The following MYO9A variants were observed in gnomAD, a reference collection of about 807,000 sequenced individuals.
MYO9A encodes the protein myosin IXA, also known as unconventional myosin-IXa.
MYO9A carries 103 observed loss-of-function variants against 293.3 expected under a neutral mutation model. The observed-to-expected ratio is 0.35, with a 90% confidence interval of 0.30 to 0.41. MYO9A has a LOEUF of 0.41. MYO9A is among the 10% of genes least tolerant of loss of function. MYO9A has a pLI of 1.00. For synonymous variants in MYO9A, 1,001 were observed against 1,035.7 expected, an observed-to-expected ratio of 0.97 and a Z score of 0.64; for missense variants, 2,685 against 3,033.0, an observed-to-expected ratio of 0.89 and a Z score of 2.69.
chr15:71,925,307 G>A (rs900376652), intron 18 of MYO9A, among the ~76,000 whole-genome samples: 6 of 148,020 alleles, frequency 4.1e-5, no homozygotes, highest in Non-Finnish European at 6.0e-5. Flanking sequence ...ACATATATAC[G>A]TATATACGTA....
intron 11 of MYO9A, among the ~76,000 whole-genome samples, chr15:71,990,480 G>C (rs1325720671): frequency 2.0e-5 from 3 of 152,114 alleles, no homozygotes; most frequent in African/African-American, 7.2e-5. Flanking sequence ...TTTAGGCTGG[G>C]CGCAGTGGCT....
chr15:71,955,174 C>G lies in MYO9A; in HGVS notation c.2183-3278G>C, dbSNP rs1218253163. Reference sequence around the variant, plus strand: ...TGGAGTTTCGCTCTTGTTGCCCAGGCTGGAGTGCAATGGTTCAATCTCAGC... The same window carrying G: ...TGGAGTTTCGCTCTTGTTGCCCAGGGTGGAGTGCAATGGTTCAATCTCAGC... On this transcript the variant is annotated intron_variant, in intron 14 of 41. Coordinates refer to ENST00000356056, the MANE Select transcript of MYO9A (RefSeq NM_006901.4). 2.0e-5 allele frequency among the ~76,000 whole-genome samples: 3 copies of G among 150,380 alleles called. No homozygotes were observed. The East Asian group carries it at 5.8e-4, about 29-fold the overall frequency.
chr15:72,034,766 G>A (rs1007458736), intron 2 of MYO9A, among the ~76,000 whole-genome samples: 5 of 152,102 alleles, frequency 3.3e-5, no homozygotes, highest in African/African-American at 9.7e-5. Flanking sequence ...ATAAAACCGT[G>A]GGCTTGGAGA....
At chr15:71,933,623 A>T in intron 18 of MYO9A, 47 bp downstream of exon 18, 1 of 1,514,088 alleles carries the variant, frequency 6.6e-7, no homozygotes. Context: ...ATAAAAAATA[A>T]TTGTGTAGCA....
intron 10 of MYO9A, among the ~76,000 whole-genome samples, chr15:71,992,044 C>T (rs554808120): frequency 8.5e-5 from 13 of 152,082 alleles, no homozygotes; most frequent in South Asian, 2.1e-4. Context: ...CGTGAGCCAC[C>T]GTGCCCGGCC....
In MYO9A at chr15:71,866,825, G is replaced by A. The variant is rs781422427; in HGVS notation, c.5980-4214C>T. ...TGTAATCCCAGAACTTTGGGACGCC[G>A]AGGCGGGTGGATCACAAAGTCAGGA... On this transcript the variant is annotated intron_variant, in intron 32 of 41. Transcript: ENST00000356056. Among the ~76,000 whole-genome samples the A allele has an allele frequency of 4.6e-5, 7 of 152,116 alleles. No individual in the cohort carries two copies. In the East Asian group the frequency reaches 5.8e-4, roughly 13 times the overall value.
intron 1 of MYO9A, among the ~76,000 whole-genome samples, chr15:72,112,932 TA>T (rs1262067184): frequency 6.6e-6 from 1 of 152,220 alleles, no homozygotes; most frequent in Admixed American, 6.5e-5. Context: ...TTATAATTTA[TA>T]AAGTCTTATA....
At chr15:71,934,829 A>G (rs2058589772) in intron 17 of MYO9A, among the ~76,000 whole-genome samples, 1 of 105,798 alleles carries the variant, frequency 9.5e-6, no homozygotes, top group Non-Finnish European at 1.7e-5. Context: ...TGGGGTCTCT[A>G]TGAAGCATGG....
chr15:72,059,410 T>C (rs2078816053), intron 1 of MYO9A, among the ~76,000 whole-genome samples: 1 of 152,234 alleles, frequency 6.6e-6, no homozygotes, highest in African/African-American at 2.4e-5. Flanking sequence ...TCGACTTTTG[T>C]TTGTGTTACA....
intron 12 of MYO9A, among the ~76,000 whole-genome samples, chr15:71,971,512 A>C (rs1205896297): frequency 6.6e-6 from 1 of 151,942 alleles, no homozygotes; most frequent in East Asian, 1.9e-4. Flanking sequence ...CGAGCCCATA[A>C]ATTCAAGGCT....
intron 38 of MYO9A, 111 bp downstream of exon 38, chr15:71,849,925 T>A: frequency 1.0e-6 from 1 of 964,240 alleles, no homozygotes; most frequent in Non-Finnish European, 1.5e-6. Context: ...AACAATCTTC[T>A]TAAAAACACC....
At chr15:72,113,588 G>T (rs760919788) in intron 1 of MYO9A, among the ~76,000 whole-genome samples, 1 of 152,124 alleles carries the variant, frequency 6.6e-6, no homozygotes, top group Non-Finnish European at 1.5e-5. Context: ...TATTCAATAG[G>T]AAAGGACATG....
intron 37 of MYO9A, among the ~76,000 whole-genome samples, 194 bp from the exon 38 acceptor site, chr15:71,850,361 G>T: frequency 6.6e-6 from 1 of 152,134 alleles, no homozygotes; most frequent in East Asian, 1.9e-4. Context: ...TCTGGAAAAT[G>T]TATTTTCACT....
Position 71,957,639 on chromosome 15 carries a change from C to T in MYO9A, c.2182+2262G>A, listed in dbSNP as rs181959047. On this transcript the variant is annotated intron_variant, in intron 14 of 41. Transcript: ENST00000356056. ...ATAGATGGTCACTAGAACGCTTCTC[C>T]CACTTACATAAACAAACAGAAGTAC... Among the ~76,000 whole-genome samples the T allele has an allele frequency of 3.2e-4, 49 of 152,076 alleles. 1 individual carries two copies. In the East Asian group the frequency reaches 8.5e-3, roughly 26 times the overall value.
In MYO9A at chr15:71,854,417, C is replaced by T. The variant is rs773600735; in HGVS notation, c.6306G>A (p.Ser2102=). The change falls in exon 35 of 42, where the codon TCG becomes TCA. Residue 2102 remains serine (S), a synonymous_variant. Transcript: ENST00000356056. ...YTEGIYRKSG[S]TNKIKELRQG... ...GCCGAAGCTCCTTGATTTTATTAGT[C>T]GAACCAGACTTTCGATAAATACCTT... is the stretch of plus-strand genomic sequence containing the variant. The T allele has an allele frequency of 2.5e-6, 4 of 1,604,362 alleles. No individual in the cohort carries two copies. The highest frequency in any genetic ancestry group is 3.4e-5 in the Admixed American group (2 of 58,600).
At chr15:71,999,822 G>C (rs752824249) in intron 9 of MYO9A, 29 bp downstream of exon 9, 3 of 1,570,342 alleles carry the variant, frequency 1.9e-6, no homozygotes, top group Middle Eastern at 1.7e-4. Flanking sequence ...TGTCCAGAAT[G>C]CTTTCATTTC....
chr15:71,877,528 G>A (rs1459754688), intron 31 of MYO9A, among the ~76,000 whole-genome samples: 1 of 152,074 alleles, frequency 6.6e-6, no homozygotes, highest in Non-Finnish European at 1.5e-5. Flanking sequence ...CGTGACCTTG[G>A]CTAACTACAA....
At chr15:71,971,170 TA>T (rs531078612) in intron 12 of MYO9A, among the ~76,000 whole-genome samples, 181 of 138,768 alleles carry the variant, frequency 1.3e-3, no homozygotes, top group Non-Finnish European at 1.2e-3. Flanking sequence ...CAGAAAAAAT[TA>T]AAAAAAAAAA....
rs200176506 is a variant in MYO9A, at chr15:72,019,040, G to A, written c.1154C>T (p.Pro385Leu). 5.6e-6 allele frequency: 9 copies of A among 1,613,350 alleles called. No homozygotes were observed. The highest frequency in any genetic ancestry group is 1.7e-4 in the Middle Eastern group (1 of 6,058). Residue 385 changes from proline to leucine, a missense_variant and splice_region_variant, in exon 6 of 42, where the codon CCG becomes CTG. This residue lies in a region of MYO9A where 289 missense variants were observed against 456.8 expected (regional missense o/e 0.63). Coordinates refer to ENST00000356056, the MANE Select transcript of MYO9A (RefSeq NM_006901.4). ...SWDDYCYDSEPDCFTVEGEDL... is the reference protein window; with the variant it reads ...SWDDYCYDSELDCFTVEGEDL... Reference sequence around the variant, plus strand: ...GAATATTTAGGTACTTGTACTGACCGGCTCAGAGTCATAGCAATAATCATC... The same window carrying A: ...GAATATTTAGGTACTTGTACTGACCAGCTCAGAGTCATAGCAATAATCATC...
Sources: gnomAD v4.1 joint callset for allele counts (sites outside exome capture counted in the v4.1 genomes callset) on GRCh38, gnomAD v4.1.1 for gene constraint, gnomAD v4.1.1 regional missense constraint, MANE v1.5 for transcripts, NCBI Gene and HGNC (gene_info 2026-07-23, HGNC 2026-07-21) for gene names.